Variants in COL11A1 observed in about 807,000 individuals in gnomAD.
The protein encoded by COL11A1 is collagen alpha-1(XI) chain.
Under a neutral mutation model 265.2 loss-of-function variants are expected in COL11A1, and 74 were observed. The ratio of observed to expected loss-of-function variants is 0.28; its 90% CI spans 0.23 to 0.34. The LOEUF is 0.34. COL11A1 is among the 10% of genes least tolerant of loss of function. The probability of loss-of-function intolerance (pLI) is 1.00; values close to 1 mark genes in which losing one functional copy is unlikely to be tolerated. For missense variants in COL11A1, 2,165 were observed against 2,263.6 expected (o/e 0.96, Z 0.88); for synonymous variants, 816 against 727.6 (o/e 1.12, Z -1.96).
At chr1:103,045,385 A>G (rs1307203182) in intron 4 of COL11A1, among the ~76,000 whole-genome samples, 2 of 152,178 alleles carry the variant, frequency 1.3e-5, no homozygotes, top group South Asian at 2.1e-4. Context: ...ATGAAATGGC[A>G]AAAGCAGAAA....
chr1:103,066,544 A>G (rs1671163095), intron 4 of COL11A1, among the ~76,000 whole-genome samples: 1 of 147,558 alleles, frequency 6.8e-6, no homozygotes, highest in Admixed American at 6.8e-5. Context: ...ATTCAAATAA[A>G]CCCTCAGCAC....
At chr1:103,044,820 G>A (rs1393813764) in intron 4 of COL11A1, among the ~76,000 whole-genome samples, 2 of 152,012 alleles carry the variant, frequency 1.3e-5, no homozygotes, top group Non-Finnish European at 2.9e-5. Flanking sequence ...ATATTCCAGA[G>A]GGAGAAACAA....
At chr1:103,023,071 C>T (rs758029901) in intron 7 of COL11A1, 75 bp from the exon 8 acceptor site, 7 of 1,505,962 alleles carry the variant, frequency 4.6e-6, no homozygotes, top group South Asian at 1.1e-5. Context: ...ATTTAAATTA[C>T]AATTTGATAG....
At chr1:103,030,881 A>G (rs541541408) in intron 5 of COL11A1, 36 of 491,458 alleles carry the variant, frequency 7.3e-5, no homozygotes, top group African/African-American at 6.4e-4. Flanking sequence ...GCATATACAC[A>G]GTATACAAGT....
chr1:103,090,904 T>A (rs1055330203), intron 1 of COL11A1, among the ~76,000 whole-genome samples: 3 of 152,146 alleles, frequency 2.0e-5, no homozygotes, highest in Non-Finnish European at 4.4e-5. Context: ...CCATTCAAAA[T>A]CATCCATAAA....
At chr1:103,013,683 A>G (rs1024205406) in intron 13 of COL11A1, among the ~76,000 whole-genome samples, 38 of 152,048 alleles carry the variant, frequency 2.5e-4, no homozygotes, top group Middle Eastern at 3.6e-3. Context: ...ATTTTTACAC[A>G]TGCTGCATAA....
chr1:102,882,430 G>GGAAGATGGCA (rs1650376350), intron 64 of COL11A1, among the ~76,000 whole-genome samples: 1 of 152,128 alleles, frequency 6.6e-6, no homozygotes, highest in East Asian at 1.9e-4. Flanking sequence ...ATGCCAAGTA[G>GGAAGATGGCA]TGTTGGAAGA....
chr1:103,084,409 A>C (rs1353550531), intron 1 of COL11A1, among the ~76,000 whole-genome samples: 1 of 152,104 alleles, frequency 6.6e-6, no homozygotes, highest in African/African-American at 2.4e-5. Context: ...CTCAATCAAA[A>C]ATTTGAACAC....
chr1:102,946,276 A>G (rs1165110834), intron 42 of COL11A1, among the ~76,000 whole-genome samples: 5 of 150,972 alleles, frequency 3.3e-5, no homozygotes, highest in Non-Finnish European at 1.5e-5. Flanking sequence ...ATGTATACAT[A>G]TGTAACTAAC....
At chr1:103,014,063 A>C (rs538336370) in intron 13 of COL11A1, among the ~76,000 whole-genome samples, 6 of 152,068 alleles carry the variant, frequency 3.9e-5, no homozygotes, top group Non-Finnish European at 7.4e-5. Context: ...ATGCCCAAAA[A>C]ATTTAATTTT....
At position 103,082,909 on chromosome 1, in the gene COL11A1, G is replaced by C. The variant is rs748922582; in HGVS notation, c.170C>G (p.Thr57Arg). The change falls in exon 2 of 67, where the codon ACA (threonine) becomes AGA (arginine). Residue 57 changes from threonine to arginine, a missense_variant. Transcript: ENST00000370096. Reference sequence around the variant, plus strand: ...CTTTCTGTTTGTGCAAAATCCCGTTGTTTTTGATATTCCCTCTGGAGAATT... The same window carrying C: ...CTTTCTGTTTGTGCAAAATCCCGTTCTTTTTGATATTCCCTCTGGAGAATT... Reference protein sequence around the residue: ...FHNSPEGISKTTGFCTNRKNS... With the variant: ...FHNSPEGISKRTGFCTNRKNS... 6.2e-7 allele frequency: 1 copy of C among 1,613,474 alleles called. No individual in the cohort carries two copies. The highest frequency in any genetic ancestry group is 1.1e-5 in the South Asian group (1 of 91,042).
At chr1:103,023,324 A>T (rs1667250740) in intron 7 of COL11A1, among the ~76,000 whole-genome samples, 1 of 152,124 alleles carries the variant, frequency 6.6e-6, no homozygotes, top group Admixed American at 6.5e-5. Flanking sequence ...GATTTGAACA[A>T]TAAAAAAGGT....
At chr1:102,905,270 GC>G (rs769672341) in intron 54 of COL11A1, among the ~76,000 whole-genome samples, 20 of 150,032 alleles carry the variant, frequency 1.3e-4, no homozygotes, top group South Asian at 1.1e-3. Flanking sequence ...TATACCTAAT[GC>G]TAAATGACGA....
intron 4 of COL11A1, among the ~76,000 whole-genome samples, chr1:103,037,310 A>G (rs957149061): frequency 6.6e-6 from 1 of 150,750 alleles, no homozygotes; most frequent in African/African-American, 2.4e-5. Flanking sequence ...TTATTGGAAA[A>G]GTATGGTAAA....
chr1:102,931,447 G>A (rs1406358289), intron 46 of COL11A1, among the ~76,000 whole-genome samples: 4 of 151,648 alleles, frequency 2.6e-5, no homozygotes, highest in African/African-American at 9.7e-5. Context: ...ATTGCACTGT[G>A]GTCTGAGAGA....
chr1:103,084,291 T>G (rs1381887116), intron 1 of COL11A1, among the ~76,000 whole-genome samples: 1 of 152,146 alleles, frequency 6.6e-6, no homozygotes, highest in Admixed American at 6.5e-5. Context: ...ACTTTCTGTC[T>G]CTAGTTACTC....
intron 4 of COL11A1, among the ~76,000 whole-genome samples, chr1:103,044,395 A>T (rs967757844): frequency 6.6e-6 from 1 of 152,108 alleles, no homozygotes; most frequent in Non-Finnish European, 1.5e-5. Context: ...AAACTAACTT[A>T]AGAAACCAGC....
intron 41 of COL11A1, among the ~76,000 whole-genome samples, chr1:102,947,404 G>A (rs10047217): frequency 6.6e-6 from 1 of 151,724 alleles, no homozygotes; most frequent in East Asian, 1.9e-4. Flanking sequence ...CTGAACCAAG[G>A]TTTCAAAATA....
In COL11A1 at chr1:103,046,580, C is replaced by A. The variant is rs909220591; in HGVS notation, c.652-15336G>T. On this transcript the variant is annotated intron_variant, in intron 4 of 66. Coordinates refer to ENST00000370096, the MANE Select transcript of COL11A1 (RefSeq NM_001854.4). ...TGCCTGTTCACTCTGATGGTAGTTT[C>A]TTTTGCTGTGCAGAAGCTCTTTAGT... 8.3e-4 allele frequency among the ~76,000 whole-genome samples: 125 copies of A among 150,732 alleles called. 3 individuals carry two copies. In the South Asian group the frequency reaches 0.024, roughly 29 times the overall value.
Sources: allele counts gnomAD v4.1 joint callset (sites outside exome capture counted in the v4.1 genomes callset), GRCh38; gene constraint gnomAD v4.1.1; transcripts MANE v1.5; gene names NCBI Gene and HGNC (gene_info 2026-07-23, HGNC 2026-07-21).